Variants in FRAS1 observed in about 807,000 individuals in gnomAD.
FRAS1 encodes the protein extracellular matrix organizing protein FRAS1.
A neutral mutation model predicts 435.2 loss-of-function variants in FRAS1; 290 were observed. That is an observed-to-expected ratio of 0.67 (90% CI 0.61 to 0.73). FRAS1 has a LOEUF of 0.73. Among genes scored for constraint, FRAS1 ranks in the 30% least tolerant of loss-of-function variants. FRAS1 has a pLI of 0.00. For synonymous variants in FRAS1, 1,800 were observed against 1,851.0 expected, an observed-to-expected ratio of 0.97 and a Z score of 0.71; for missense variants, 4,860 against 5,001.5, an observed-to-expected ratio of 0.97 and a Z score of 0.85.
intron 2 of FRAS1, among the ~76,000 whole-genome samples, chr4:78,178,751 T>C (rs1457643949): frequency 6.6e-6 from 1 of 152,120 alleles, no homozygotes; most frequent in Non-Finnish European, 1.5e-5. Flanking sequence ...TAATTACCTC[T>C]ACAAAGACCC....
At chr4:78,274,673 T>C (rs538889394) in intron 9 of FRAS1, among the ~76,000 whole-genome samples, 1 of 152,252 alleles carries the variant, frequency 6.6e-6, no homozygotes, top group Non-Finnish European at 1.5e-5. Flanking sequence ...CACTGTGGTC[T>C]GAGAGACAGT....
intron 2 of FRAS1, among the ~76,000 whole-genome samples, chr4:78,164,247 G>A (rs1387227108): frequency 6.6e-6 from 1 of 152,180 alleles, no homozygotes; most frequent in African/African-American, 2.4e-5. Context: ...CATTGGAAAG[G>A]GAGGGGTAGT....
chr4:78,104,251 G>A (rs944219289), intron 2 of FRAS1, among the ~76,000 whole-genome samples: 7 of 152,250 alleles, frequency 4.6e-5, no homozygotes, highest in Middle Eastern at 3.4e-3. Context: ...CCAAGTTACC[G>A]CCAGATTCAC....
chr4:78,387,295 G>C, intron 28 of FRAS1, 80 bp from the exon 29 acceptor site: 1 of 1,036,792 alleles, frequency 9.6e-7, no homozygotes. Context: ...AAAAGTATAG[G>C]AATAACAATC....
intron 2 of FRAS1, among the ~76,000 whole-genome samples, chr4:78,100,088 T>C (rs1311451760): frequency 3.3e-5 from 5 of 152,194 alleles, no homozygotes; most frequent in African/African-American, 1.2e-4. Flanking sequence ...TTCCAGGTTG[T>C]AGTAAGATAA....
At chr4:78,098,280 T>C (rs1332311676) in intron 2 of FRAS1, among the ~76,000 whole-genome samples, 3 of 149,964 alleles carry the variant, frequency 2.0e-5, no homozygotes, top group South Asian at 2.1e-4. Context: ...TCTTTTCTTT[T>C]TTTTTTTTTT....
At chr4:78,059,337 G>C (rs1425602009) in intron 1 of FRAS1, among the ~76,000 whole-genome samples, 1 of 152,136 alleles carries the variant, frequency 6.6e-6, no homozygotes, top group Non-Finnish European at 1.5e-5. Context: ...ACAAGGGTGG[G>C]GGACTTTCCC....
chr4:78,091,095 G>T (rs1007638724), intron 2 of FRAS1, among the ~76,000 whole-genome samples: 1 of 152,030 alleles, frequency 6.6e-6, no homozygotes, highest in African/African-American at 2.4e-5. Context: ...GCATTTAGGT[G>T]GGGTTAGTTT....
At chr4:78,266,428 C>CA (rs774627708) in intron 7 of FRAS1, among the ~76,000 whole-genome samples, 8 of 152,210 alleles carry the variant, frequency 5.3e-5, no homozygotes. Flanking sequence ...TCCGGTTGGA[C>CA]AGTGTCCATG....
At chr4:78,062,535 T>C (rs994696453) in intron 1 of FRAS1, among the ~76,000 whole-genome samples, 1 of 152,236 alleles carries the variant, frequency 6.6e-6, no homozygotes, top group Non-Finnish European at 1.5e-5. Context: ...TTTGAACTAA[T>C]GGGTCTGACA....
intron 20 of FRAS1, among the ~76,000 whole-genome samples, chr4:78,349,918 G>C (rs1730706486): frequency 3.2e-5 from 1 of 30,860 alleles, no homozygotes; most frequent in Admixed American, 3.0e-4. Flanking sequence ...ATCGAGACTA[G>C]GAAGAAACTG....
chr4:78,236,213 G>T (rs1724747434), intron 2 of FRAS1, among the ~76,000 whole-genome samples: 1 of 152,156 alleles, frequency 6.6e-6, no homozygotes, highest in Non-Finnish European at 1.5e-5. Context: ...CAAGGCCAGG[G>T]AGATAGGTGA....
chr4:78,466,659 A>G (rs1383511273), intron 50 of FRAS1, among the ~76,000 whole-genome samples: 6 of 152,246 alleles, frequency 3.9e-5, no homozygotes, highest in Non-Finnish European at 8.8e-5. Flanking sequence ...GGTAATCCAC[A>G]TAAAGTGCTT....
At chr4:78,264,882 G>A in intron 6 of FRAS1, 143 bp from the exon 7 acceptor site, 1 of 700,236 alleles carries the variant, frequency 1.4e-6, no homozygotes, top group Non-Finnish European at 2.6e-6. Flanking sequence ...AGTCCCAGGT[G>A]ACTAAGAAAT....
intron 1 of FRAS1, among the ~76,000 whole-genome samples, chr4:78,063,363 T>A (rs1502886): frequency 0.25 from 37,536 of 151,976 alleles, 5,010 homozygotes; most frequent in East Asian, 0.35. Context: ...TGGAATGCTT[T>A]TTTTCTCAAG....
intron 49 of FRAS1, among the ~76,000 whole-genome samples, chr4:78,465,110 A>G (rs1719487388): frequency 1.3e-5 from 2 of 152,216 alleles, no homozygotes; most frequent in African/African-American, 4.8e-5. Flanking sequence ...ACATTCTGAC[A>G]TGACTTAGCT....
intron 58 of FRAS1, among the ~76,000 whole-genome samples, chr4:78,485,941 A>G (rs899185773): frequency 2.6e-5 from 4 of 152,088 alleles, no homozygotes; most frequent in Non-Finnish European, 5.9e-5. Flanking sequence ...TTCTTTTCCC[A>G]CTAGGCTGAT....
In FRAS1 at chr4:78,284,306, A is replaced by G. The variant is rs141643767; in HGVS notation, c.1256-99A>G. 3.4e-4 allele frequency: 312 copies of G among 918,948 alleles called. 2 individuals are homozygous for G. The African/African-American group carries it at 5.8e-3, about 17-fold the overall frequency. The allele number at this position is 918,948 out of a possible 1,614,324, so 56.9% of individuals were successfully genotyped here. A position where few individuals can be genotyped will look rare whatever the true frequency, so the allele number is the denominator to read the frequency against. ...CACAGTTTTCTGTTCTTCATGTTCT[A>G]TGTAATGCTACATACTTTGTAGATT... is the stretch of plus-strand genomic sequence containing the variant. On this transcript the variant is annotated intron_variant, in intron 12 of 73. Coordinates refer to ENST00000512123, the MANE Select transcript of FRAS1 (RefSeq NM_025074.7).
intron 2 of FRAS1, among the ~76,000 whole-genome samples, chr4:78,154,938 C>T (rs747927348): frequency 6.6e-6 from 1 of 152,180 alleles, no homozygotes; most frequent in African/African-American, 2.4e-5. Flanking sequence ...TACCATTTTC[C>T]TGGCCCAGTG....
Sources: gnomAD v4.1 joint callset for allele counts (sites outside exome capture counted in the v4.1 genomes callset) on GRCh38, gnomAD v4.1.1 for gene constraint, MANE v1.5 for transcripts, NCBI Gene and HGNC (gene_info 2026-07-23, HGNC 2026-07-21) for gene names.